N4BP1: variants seen among roughly 807,000 people sequenced by gnomAD.
N4BP1 encodes NEDD4-binding protein 1.
In N4BP1, 21 loss-of-function variants were observed where a neutral mutation model predicts 70.9. The ratio of observed to expected loss-of-function variants is 0.30; its 90% CI spans 0.21 to 0.43. The LOEUF (loss-of-function observed/expected upper bound fraction) is 0.43. N4BP1 is among the 20% of genes least tolerant of loss of function. The pLI is 1.00. For missense variants in N4BP1, 936 were observed against 1,069.4 expected (o/e 0.88, Z 1.74); for synonymous variants, 387 against 394.6 (o/e 0.98, Z 0.23).
intron 1 of N4BP1, among the ~76,000 whole-genome samples, chr16:48,569,224 A>T (rs150650064): frequency 9.8e-5 from 15 of 152,334 alleles, no homozygotes; most frequent in African/African-American, 1.7e-4. Flanking sequence ...CATTTTGAAC[A>T]ATGCAAAATT....
intron 2 of N4BP1, among the ~76,000 whole-genome samples, chr16:48,557,856 A>G (rs1963778902): frequency 6.6e-6 from 1 of 152,190 alleles, no homozygotes; most frequent in Non-Finnish European, 1.5e-5. Flanking sequence ...TATTAGAGGT[A>G]GTTCACTGAA....
intron 1 of N4BP1, among the ~76,000 whole-genome samples, chr16:48,597,031 A>C (rs1964424421): frequency 1.3e-5 from 2 of 152,158 alleles, no homozygotes; most frequent in Non-Finnish European, 2.9e-5. Flanking sequence ...ATCTCACTTC[A>C]ACCCCCAGTG....
chr16:48,599,264 G>A (rs1385466323), intron 1 of N4BP1, among the ~76,000 whole-genome samples: 1 of 152,162 alleles, frequency 6.6e-6, no homozygotes, highest in African/African-American at 2.4e-5. Flanking sequence ...GCACTAAGCA[G>A]GGATGATTCC....
At chr16:48,584,413 T>G (rs1471777642) in intron 1 of N4BP1, among the ~76,000 whole-genome samples, 1 of 152,220 alleles carries the variant, frequency 6.6e-6, no homozygotes, top group Non-Finnish European at 1.5e-5. Flanking sequence ...AAGAAAAGCC[T>G]CATTTTTCAC....
At chr16:48,571,594 G>A (rs1033116159) in intron 1 of N4BP1, among the ~76,000 whole-genome samples, 1 of 152,024 alleles carries the variant, frequency 6.6e-6, no homozygotes, top group African/African-American at 2.4e-5. Context: ...AGATGAGACT[G>A]AACCCACAGA....
chr16:48,553,388 T>C (rs559488267), intron 3 of N4BP1, 151 bp downstream of exon 3: 59 of 604,740 alleles, frequency 9.8e-5, no homozygotes, highest in Middle Eastern at 2.9e-4. Context: ...CTCTCTTCAA[T>C]TGATGTTTTG....
chr16:48,592,231 C>A (rs1395970397), intron 1 of N4BP1, among the ~76,000 whole-genome samples: 5 of 152,106 alleles, frequency 3.3e-5, no homozygotes, highest in African/African-American at 1.2e-4. Flanking sequence ...TCCATCCCCC[C>A]AGAACAGAAA....
rs936723550 is a variant in N4BP1, at chr16:48,542,303, G to A, written c.*601C>T. On this transcript the variant is annotated 3_prime_UTR_variant, in exon 7 of 7. Coordinates refer to ENST00000262384, the MANE Select transcript of N4BP1 (RefSeq NM_153029.4). ...ATTCTGTGAGACTAACTTCGCCCTG[G>A]TCATTCACCATGGCTAGGCACCAAG... 3 of 152,650 alleles carry A rather than the reference G, an allele frequency of 2.0e-5. No homozygotes were observed. Among genetic ancestry groups the A allele is most frequent in the Non-Finnish European group, 4.4e-5 (3 of 68,084 alleles). 9.5% of individuals were successfully genotyped at this position (152,650 alleles called of 1,614,324 possible). A position where few individuals can be genotyped will look rare whatever the true frequency, so the allele number is the denominator to read the frequency against.
At chr16:48,547,695 G>A (rs939413255) in intron 5 of N4BP1, among the ~76,000 whole-genome samples, 1 of 152,192 alleles carries the variant, frequency 6.6e-6, no homozygotes, top group Non-Finnish European at 1.5e-5. Flanking sequence ...GAGGCCGTTT[G>A]TGCTCCATCA....
chr16:48,564,173 G>GT (rs1264749513), intron 1 of N4BP1, among the ~76,000 whole-genome samples: 3 of 152,098 alleles, frequency 2.0e-5, no homozygotes, highest in Non-Finnish European at 4.4e-5. Context: ...CTGGTCTGTA[G>GT]TTTGTCTTCC....
chr16:48,569,248 T>C (rs1209989394), intron 1 of N4BP1, among the ~76,000 whole-genome samples: 1 of 152,256 alleles, frequency 6.6e-6, no homozygotes, highest in Non-Finnish European at 1.5e-5. Context: ...TTTTGAAACC[T>C]TCAATCTTGT....
chr16:48,594,806 CAAT>C (rs1275782107), intron 1 of N4BP1, among the ~76,000 whole-genome samples: 1 of 152,134 alleles, frequency 6.6e-6, no homozygotes, highest in Non-Finnish European at 1.5e-5. Context: ...TATATGTTAT[CAAT>C]AATAATTGTT....
chr16:48,583,649 A>C (rs893238759), intron 1 of N4BP1, among the ~76,000 whole-genome samples: 1 of 152,238 alleles, frequency 6.6e-6, no homozygotes, highest in Non-Finnish European at 1.5e-5. Flanking sequence ...TGGATACATA[A>C]TAAATACAAT....
chr16:48,560,739 A>T lies in N4BP1; in HGVS notation c.1889+15T>A, dbSNP rs1174121014. 1.3e-6 allele frequency: 2 copies of T among 1,576,814 alleles called. No individual in the cohort carries two copies. Among genetic ancestry groups the T allele is most frequent in the East Asian group, 4.5e-5 (2 of 44,748 alleles). ...CCCTATTTAAAATAAAATAATCTGC[A>T]GAGAATGGACTTACGTAATTGCAAC... On this transcript the variant is annotated intron_variant, in intron 2 of 6. Coordinates refer to ENST00000262384, the MANE Select transcript of N4BP1 (RefSeq NM_153029.4).
chr16:48,546,149 AAGAC>A lies in N4BP1; in HGVS notation c.2327_2330del (p.Cys776LeufsTer81). 6.2e-7 allele frequency: 1 copy of A among 1,602,016 alleles called. No individual in the cohort carries two copies. Among genetic ancestry groups the A allele is most frequent in the Non-Finnish European group, 8.5e-7 (1 of 1,170,060 alleles). ...AGACAATCTGAAAAAGGAAATACCT[AAGAC>A]AGACTTCCTTCTGAAGAAACTCCTC... On this transcript the variant is annotated frameshift_variant, in exon 6 of 7. Coordinates refer to ENST00000262384, the MANE Select transcript of N4BP1 (RefSeq NM_153029.4). LOFTEE classifies it high-confidence loss of function.
rs1963521275 is a variant in N4BP1, at chr16:48,542,708, TAGC to T, written c.*193_*195del. 2 of 465,924 alleles carry T rather than the reference TAGC, an allele frequency of 4.3e-6. No homozygotes were observed. The highest frequency in any genetic ancestry group is 3.8e-6 in the Non-Finnish European group (1 of 266,126). 28.9% of individuals were successfully genotyped at this position (465,924 alleles called of 1,614,324 possible). On this transcript the variant is annotated 3_prime_UTR_variant, in exon 7 of 7. Coordinates refer to ENST00000262384, the MANE Select transcript of N4BP1 (RefSeq NM_153029.4). ...TTAACAGAAAATGTTAAATCTGTAA[TAGC>T]AGCATAATTTATATATAGAAAAAAG...
intron 1 of N4BP1, among the ~76,000 whole-genome samples, chr16:48,580,058 G>C (rs1964154350): frequency 6.6e-6 from 1 of 151,614 alleles, no homozygotes; most frequent in African/African-American, 2.4e-5. Context: ...TGGGCAACAT[G>C]GCAAAATCCA....
At chr16:48,602,086 T>C in intron 1 of N4BP1, among the ~76,000 whole-genome samples, 1 of 152,146 alleles carries the variant, frequency 6.6e-6, no homozygotes, top group East Asian at 1.9e-4. Context: ...TAGCTGGGCA[T>C]GGTGGCGCAA....
chr16:48,548,707 G>A (rs1319744976), intron 4 of N4BP1, among the ~76,000 whole-genome samples: 1 of 151,878 alleles, frequency 6.6e-6, no homozygotes, highest in African/African-American at 2.4e-5. Context: ...AAATTAGCCG[G>A]GTGTTCCCTG....
Sources: gnomAD v4.1 joint callset for allele counts (sites outside exome capture counted in the v4.1 genomes callset) on GRCh38, gnomAD v4.1.1 for gene constraint, MANE v1.5 for transcripts, NCBI Gene and HGNC (gene_info 2026-07-23, HGNC 2026-07-21) for gene names.